Variants in WDR59 observed in about 807,000 individuals in gnomAD.
The protein encoded by WDR59 is WD repeat domain 59, also known as GATOR2 complex protein WDR59.
In WDR59, 100 loss-of-function variants were observed where a neutral mutation model predicts 131.2. The ratio of observed to expected loss-of-function variants is 0.76; its 90% CI spans 0.65 to 0.90. WDR59 has a LOEUF of 0.90. Ranked by LOEUF, WDR59 falls within the 40% of genes least tolerant of loss-of-function variation. The probability of loss-of-function intolerance (pLI) is 0.00; values close to 1 mark genes in which losing one functional copy is unlikely to be tolerated. For synonymous variants in WDR59, 601 were observed against 466.2 expected (o/e 1.29, Z -3.72); for missense variants, 1,203 against 1,262.2 (o/e 0.95, Z 0.71).
At chr16:74,906,313 C>CAAAAAAAA (rs762288713) in intron 17 of WDR59, among the ~76,000 whole-genome samples, 400 of 32,460 alleles carry the variant, frequency 0.012, 70 homozygotes, top group Non-Finnish European at 0.018. Context: ...GACTCCGTCT[C>CAAAAAAAA]AAAAAAAAAA....
chr16:74,887,805 C>A, intron 22 of WDR59, 50 bp from the exon 23 acceptor site: 1 of 1,545,372 alleles, frequency 6.5e-7, no homozygotes, highest in Non-Finnish European at 8.9e-7. Flanking sequence ...GAATACCATT[C>A]CCCATGACAG....
chr16:74,893,648 G>A (rs1489030618), intron 19 of WDR59, 31 bp downstream of exon 19: 1 of 1,563,002 alleles, frequency 6.4e-7, no homozygotes. Context: ...GCTAAATGAT[G>A]AGTGCAGCAG....
At chr16:74,879,280 T>C (rs961743532) in intron 25 of WDR59, among the ~76,000 whole-genome samples, 1 of 152,058 alleles carries the variant, frequency 6.6e-6, no homozygotes, top group Non-Finnish European at 1.5e-5. Flanking sequence ...ATTGTTGAGC[T>C]CAGCAGGTCG....
chr16:74,926,755 A>G (rs985379418), intron 8 of WDR59, among the ~76,000 whole-genome samples: 47 of 152,366 alleles, frequency 3.1e-4, no homozygotes, highest in Admixed American at 8.5e-4. Flanking sequence ...GGTTTGGTTA[A>G]TAACTTTGGG....
At chr16:74,944,463 C>CAA (rs527514875) in intron 6 of WDR59, among the ~76,000 whole-genome samples, 3 of 93,086 alleles carry the variant, frequency 3.2e-5, no homozygotes, top group Non-Finnish European at 4.5e-5. Flanking sequence ...AAGACTGTCT[C>CAA]AAAAAAAAAA....
intron 1 of WDR59, among the ~76,000 whole-genome samples, chr16:74,967,807 C>T (rs576592226): frequency 9.4e-5 from 14 of 148,318 alleles, no homozygotes; most frequent in Non-Finnish European, 2.1e-4. Context: ...TGCAGTGAGC[C>T]GAGACATGCC....
chr16:74,948,675 A>T, intron 5 of WDR59, 119 bp from the exon 6 acceptor site: 1 of 837,640 alleles, frequency 1.2e-6, no homozygotes, highest in Non-Finnish European at 2.0e-6. Flanking sequence ...GAGTAGGTAG[A>T]TCCGCTGTGA....
In WDR59 at chr16:74,903,932, G is replaced by A. The variant is rs200521368; in HGVS notation, c.1866+15C>T. 1.2e-3 allele frequency: 1,971 copies of A among 1,602,692 alleles called. 6 individuals carry two copies. The highest frequency in any genetic ancestry group is 1.9e-3 in the Admixed American group (113 of 58,814). ...AGAAGGGGTAAGAATCAAAGGCTACGGCTCTGGCACTTACCCGCTCCTTGT... is the reference window on the plus strand; with the variant it reads ...AGAAGGGGTAAGAATCAAAGGCTACAGCTCTGGCACTTACCCGCTCCTTGT... On this transcript the variant is annotated intron_variant, in intron 18 of 25. Coordinates refer to ENST00000262144, the MANE Select transcript of WDR59 (RefSeq NM_030581.4).
At chr16:74,977,337 T>C (rs908383061) in intron 1 of WDR59, among the ~76,000 whole-genome samples, 1 of 152,036 alleles carries the variant, frequency 6.6e-6, no homozygotes, top group Admixed American at 6.6e-5. Context: ...TTACAATATA[T>C]ATAACCATAC....
rs145527335 is a variant in WDR59, at chr16:74,887,670, T to C, written c.2419+13A>G. 474 of 1,613,936 alleles carry C rather than the reference T, an allele frequency of 2.9e-4. No individual in the cohort carries two copies. In the African/African-American group the frequency reaches 5.6e-3, roughly 19 times the overall value. ...TAAAAATCCAGCGTGGGCTAAGTCA[T>C]TTCCATACAAACCTATGTTCCAGCC... On this transcript the variant is annotated intron_variant, in intron 23 of 25. Transcript: ENST00000262144.
At position 74,880,401 on chromosome 16, in the gene WDR59, C is replaced by T. The variant is rs188869096; in HGVS notation, c.2689+5252G>A. Among the ~76,000 whole-genome samples, 396 of 152,098 alleles carry T rather than the reference C, an allele frequency of 2.6e-3. 1 individual carries two copies. The highest frequency in any genetic ancestry group is 9.1e-3 in the African/African-American group (378 of 41,470). ...GGCGGAGCTTGCAGTGAGCCGAGAT[C>T]GCGCCACTGCACTCCAGCCTGGGGG... is the stretch of plus-strand genomic sequence containing the variant. On this transcript the variant is annotated intron_variant, in intron 25 of 25. Transcript: ENST00000262144.
At chr16:74,980,976 A>T (rs1231881008) in intron 1 of WDR59, among the ~76,000 whole-genome samples, 3 of 149,964 alleles carry the variant, frequency 2.0e-5, no homozygotes, top group Non-Finnish European at 3.0e-5. Context: ...AAAATAAAAA[A>T]ATATATATTT....
intron 1 of WDR59, among the ~76,000 whole-genome samples, chr16:74,981,640 ATATATATATATATATATATAT>A (rs1383629393): frequency 1.3e-3 from 5 of 3,810 alleles, no homozygotes; most frequent in Non-Finnish European, 1.4e-3. Context: ...ATATATATAT[ATATATATATATATATATATAT>A]TTTTTTTTTT....
At chr16:74,941,721 G>A (rs1220179885) in intron 7 of WDR59, among the ~76,000 whole-genome samples, 1 of 150,700 alleles carries the variant, frequency 6.6e-6, no homozygotes, top group Non-Finnish European at 1.5e-5. Flanking sequence ...AGATGCACCT[G>A]CCCAACCTCT....
chr16:74,936,622 T>C (rs2031821904), intron 8 of WDR59, among the ~76,000 whole-genome samples: 1 of 152,022 alleles, frequency 6.6e-6, no homozygotes, highest in Non-Finnish European at 1.5e-5. Context: ...GGTTAGGAGT[T>C]CGAGACCATC....
chr16:74,965,783 C>CTGCA lies in WDR59; in HGVS notation c.90_93dup (p.Val32CysfsTer41). On this transcript the variant is annotated frameshift_variant, in exon 2 of 26. Transcript: ENST00000262144. LOFTEE classifies it high-confidence loss of function. ...GGCAAGCTTACTTACCCAGAAAGCA[C>CTGCA]TGCATGCTGCCCAAGACAGTCCACA... 1 of 1,614,162 alleles carries CTGCA rather than the reference C, an allele frequency of 6.2e-7. No individual in the cohort carries two copies. The highest frequency in any genetic ancestry group is 1.1e-5 in the South Asian group (1 of 91,082).
intron 8 of WDR59, among the ~76,000 whole-genome samples, chr16:74,925,229 G>C (rs1167719184): frequency 6.6e-5 from 10 of 152,106 alleles, no homozygotes; most frequent in Admixed American, 6.5e-4. Context: ...ATGAAAAAAA[G>C]ACAACCTTAA....
intron 2 of WDR59, among the ~76,000 whole-genome samples, chr16:74,957,952 G>C (rs2033370461): frequency 6.6e-6 from 1 of 152,204 alleles, no homozygotes; most frequent in Non-Finnish European, 1.5e-5. Flanking sequence ...TTCTAAGAAA[G>C]TGCAGAACAA....
chr16:74,882,829 A>AAAAAAAAAG (rs1964563938), intron 25 of WDR59, among the ~76,000 whole-genome samples: 1 of 135,486 alleles, frequency 7.4e-6, no homozygotes, highest in African/African-American at 2.8e-5. Context: ...AAAAAAAAAA[A>AAAAAAAAAG]AAAGAAAGAA....
Sources: allele counts gnomAD v4.1 joint callset (sites outside exome capture counted in the v4.1 genomes callset), GRCh38; gene constraint gnomAD v4.1.1; transcripts MANE v1.5; gene names NCBI Gene and HGNC (gene_info 2026-07-23, HGNC 2026-07-21).